Variants in RAB22A observed in about 807,000 individuals in gnomAD.
RAB22A encodes ras-related protein Rab-22A.
RAB22A carries 13 observed loss-of-function variants against 30.2 expected under a neutral mutation model. The ratio of observed to expected loss-of-function variants is 0.43; its 90% CI spans 0.28 to 0.68. The LOEUF is 0.68. RAB22A is among the 30% of genes least tolerant of loss of function. The probability of loss-of-function intolerance (pLI) is 0.18; values close to 1 mark genes in which losing one functional copy is unlikely to be tolerated. For synonymous variants in RAB22A, 89 were observed against 87.2 expected, an observed-to-expected ratio of 1.02 and a Z score of -0.11; for missense variants, 177 against 246.8, an observed-to-expected ratio of 0.72 and a Z score of 1.89.
rs58198236 is a variant in RAB22A at position 58,312,472 on chromosome 20, C to CTT, written c.116+1383_116+1384dup. Among the ~76,000 whole-genome samples the CTT allele has an allele frequency of 8.1e-3, 315 of 38,774 alleles. 32 individuals carry two copies. The highest frequency in any genetic ancestry group is 0.01 in the Non-Finnish European group (232 of 22,500). 25.4% of individuals were successfully genotyped at this position (38,774 alleles called of 152,430 possible). On this transcript the variant is annotated intron_variant, in intron 2 of 6. Coordinates refer to ENST00000244040, the MANE Select transcript of RAB22A (RefSeq NM_020673.3). ...GCACCATGTTACTCCGGCTGGTTTT[C>CTT]TTTTTTTTTTTTTTTTTTTTTTTTT... is the stretch of plus-strand genomic sequence containing the variant.
intron 2 of RAB22A, among the ~76,000 whole-genome samples, chr20:58,330,207 G>A (rs537696343): frequency 4.6e-5 from 7 of 152,182 alleles, no homozygotes; most frequent in South Asian, 2.1e-4. Context: ...AGTCCCCTGC[G>A]GATACTGAAG....
chr20:58,356,157 C>A (rs1987126120), intron 6 of RAB22A, among the ~76,000 whole-genome samples: 1 of 151,806 alleles, frequency 6.6e-6, no homozygotes. Context: ...ACTAAAAATA[C>A]AAAATTAGCT....
chr20:58,353,772 A>G (rs1169146758), intron 5 of RAB22A, among the ~76,000 whole-genome samples: 1 of 152,242 alleles, frequency 6.6e-6, no homozygotes, highest in Non-Finnish European at 1.5e-5. Context: ...GTTGCGTTGC[A>G]TCCAACATTA....
intron 2 of RAB22A, among the ~76,000 whole-genome samples, chr20:58,319,450 A>C (rs759695610): frequency 6.6e-6 from 1 of 152,136 alleles, no homozygotes; most frequent in Non-Finnish European, 1.5e-5. Context: ...TATTGTGTTC[A>C]TTGCTGTAGA....
chr20:58,339,927 C>T (rs1236086236), intron 2 of RAB22A, among the ~76,000 whole-genome samples: 12 of 152,114 alleles, frequency 7.9e-5, no homozygotes, highest in Admixed American at 5.9e-4. Flanking sequence ...GCCCAGAGCT[C>T]GGGAGGCGCC....
chr20:58,323,615 T>A (rs1301873379), intron 2 of RAB22A, among the ~76,000 whole-genome samples: 1 of 145,202 alleles, frequency 6.9e-6, no homozygotes, highest in African/African-American at 2.7e-5. Flanking sequence ...AAACGTGCCC[T>A]TTTTTTTTTC....
chr20:58,350,463 G>A (rs1304829680), intron 3 of RAB22A, among the ~76,000 whole-genome samples: 1 of 152,160 alleles, frequency 6.6e-6, no homozygotes, highest in African/African-American at 2.4e-5. Context: ...AAATCTGTAA[G>A]TTCAAAGAAC....
At chr20:58,358,574 C>G (rs1965762915) in intron 6 of RAB22A, among the ~76,000 whole-genome samples, 1 of 152,136 alleles carries the variant, frequency 6.6e-6, no homozygotes, top group Non-Finnish European at 1.5e-5. Flanking sequence ...GGTACATCTA[C>G]AAATGCAGTA....
intron 2 of RAB22A, among the ~76,000 whole-genome samples, chr20:58,329,656 A>G (rs140065587): frequency 6.4e-4 from 98 of 152,318 alleles, no homozygotes; most frequent in African/African-American, 2.3e-3. Flanking sequence ...GGACATTTGC[A>G]TCCAAATTGT....
At position 58,309,740 on chromosome 20, in the gene RAB22A, T is replaced by TGGCGGC. The variant is rs1018030084; in HGVS notation, c.-227_-222dup. On this transcript the variant is annotated 5_prime_UTR_variant, in exon 1 of 7. Transcript: ENST00000244040. ...AGGTGACGCGGCCGGCGTCCCAAGA[T>TGGCGGC]GGCGGCGGCGGCGGCTCCCGGAAGG... The TGGCGGC allele has an allele frequency of 3.3e-5, 8 of 243,754 alleles. No homozygotes were observed. The highest frequency in any genetic ancestry group is 1.7e-4 in the Admixed American group (3 of 17,694). The allele number at this position is 243,754 out of a possible 1,614,324, so 15.1% of individuals were successfully genotyped here. A position where few individuals can be genotyped will look rare whatever the true frequency, so the allele number is the denominator to read the frequency against.
chr20:58,315,428 G>A (rs916585641), intron 2 of RAB22A, among the ~76,000 whole-genome samples: 5 of 152,104 alleles, frequency 3.3e-5, no homozygotes, highest in Non-Finnish European at 7.3e-5. Context: ...TTCCCTAAGG[G>A]CTCGCCTGTG....
At chr20:58,328,319 C>CTA (rs1026834652) in intron 2 of RAB22A, among the ~76,000 whole-genome samples, 2 of 152,096 alleles carry the variant, frequency 1.3e-5, no homozygotes, top group African/African-American at 4.8e-5. Flanking sequence ...GTAGCTAAGA[C>CTA]TACAGGTGCA....
intron 6 of RAB22A, among the ~76,000 whole-genome samples, chr20:58,357,666 GAAT>G (rs1236334369): frequency 6.6e-6 from 1 of 152,146 alleles, no homozygotes; most frequent in East Asian, 1.9e-4. Flanking sequence ...CATTTATTGA[GAAT>G]AATGACAAGA....
Position 58,353,256 on chromosome 20 carries a change from T to C in RAB22A, c.199-17T>C, listed in dbSNP as rs1568873600. On this transcript the variant is annotated splice_polypyrimidine_tract_variant and intron_variant, in intron 3 of 6. Coordinates refer to ENST00000244040, the MANE Select transcript of RAB22A (RefSeq NM_020673.3). ...CCAGTTTTCCCAATTTTGTTTATTT[T>C]TCCCCCTCCTCTGCAGTTTCGTGCC... The C allele has an allele frequency of 6.2e-7, 1 of 1,609,624 alleles. No homozygotes were observed. Among genetic ancestry groups the C allele is most frequent in the Non-Finnish European group, 8.5e-7 (1 of 1,178,288 alleles).
chr20:58,322,410 A>G (rs1234424671), intron 2 of RAB22A, among the ~76,000 whole-genome samples: 1 of 152,198 alleles, frequency 6.6e-6, no homozygotes, highest in Non-Finnish European at 1.5e-5. Flanking sequence ...TAAAAATTCA[A>G]ATCTTCAGTC....
chr20:58,323,884 T>C lies in RAB22A; in HGVS notation c.116+12762T>C, dbSNP rs1040252094. Among the ~76,000 whole-genome samples, 91 of 152,232 alleles carry C rather than the reference T, an allele frequency of 6.0e-4. 6 individuals are homozygous for C. The highest frequency in any genetic ancestry group is 3.9e-4 in the East Asian group (2 of 5,186). ...TGGCTAATCACATAATTATACTCTT[T>C]TATGTTAATGTGGTAAATTATATCA... On this transcript the variant is annotated intron_variant, in intron 2 of 6. Coordinates refer to ENST00000244040, the MANE Select transcript of RAB22A (RefSeq NM_020673.3).
At chr20:58,316,756 T>C (rs948579871) in intron 2 of RAB22A, among the ~76,000 whole-genome samples, 2 of 152,188 alleles carry the variant, frequency 1.3e-5, no homozygotes, top group African/African-American at 2.4e-5. Flanking sequence ...GGACTGTCCA[T>C]GTATGTCACT....
At chr20:58,344,339 C>T (rs1168456572) in intron 3 of RAB22A, among the ~76,000 whole-genome samples, 1 of 152,180 alleles carries the variant, frequency 6.6e-6, no homozygotes, top group African/African-American at 2.4e-5. Flanking sequence ...AGAAGCGGGG[C>T]CTGAACATGG....
chr20:58,328,417 C>T (rs994601423), intron 2 of RAB22A, among the ~76,000 whole-genome samples: 1 of 152,140 alleles, frequency 6.6e-6, no homozygotes, highest in African/African-American at 2.4e-5. Context: ...CTCCTGGACT[C>T]AAGCAATCCT....
Sources: allele counts gnomAD v4.1 joint callset (sites outside exome capture counted in the v4.1 genomes callset), GRCh38; gene constraint gnomAD v4.1.1; transcripts MANE v1.5; gene names NCBI Gene and HGNC (gene_info 2026-07-23, HGNC 2026-07-21).